Variants in SCP2 observed in about 807,000 individuals in gnomAD.
The protein encoded by SCP2 is sterol carrier protein 2.
SCP2 carries 48 observed loss-of-function variants against 71.4 expected under a neutral mutation model. The observed-to-expected ratio is 0.67, with a 90% confidence interval of 0.53 to 0.86. The LOEUF (loss-of-function observed/expected upper bound fraction) is 0.86, where lower values mean the gene tolerates loss of function less well. Ranked by LOEUF, SCP2 falls within the 40% of genes least tolerant of loss-of-function variation. The pLI is 0.00. For synonymous variants in SCP2, 220 were observed against 218.1 expected (o/e 1.01, Z -0.08); for missense variants, 560 against 655.6 (o/e 0.85, Z 1.59).
intron 6 of SCP2, among the ~76,000 whole-genome samples, chr1:52,969,463 C>T (rs985129043): frequency 1.3e-5 from 2 of 151,680 alleles, no homozygotes; most frequent in East Asian, 1.9e-4. Context: ...AAGCCAAGGT[C>T]GCACCTCTGC....
intron 13 of SCP2, among the ~76,000 whole-genome samples, chr1:53,028,568 A>AGTTT (rs58309108): frequency 0.14 from 20,810 of 152,046 alleles, 2,022 homozygotes; most frequent in East Asian, 0.32. Context: ...TAATTTAAAA[A>AGTTT]ATACTATACA....
At chr1:52,952,771 A>G (rs1438795728) in intron 4 of SCP2, among the ~76,000 whole-genome samples, 1 of 152,070 alleles carries the variant, frequency 6.6e-6, no homozygotes, top group Non-Finnish European at 1.5e-5. Context: ...TGTCTTTTAA[A>G]ACTTGGGGTA....
chr1:52,969,693 T>C (rs1657285137), intron 6 of SCP2, among the ~76,000 whole-genome samples: 1 of 151,882 alleles, frequency 6.6e-6, no homozygotes, highest in African/African-American at 2.4e-5. Flanking sequence ...TGGTCGCGTG[T>C]GCCTGTAATC....
At chr1:52,988,236 T>C in intron 11 of SCP2, 100 bp downstream of exon 11, 1 of 719,104 alleles carries the variant, frequency 1.4e-6, no homozygotes, top group South Asian at 1.5e-5. Context: ...TTCTCTGAAC[T>C]TGGTAGCTGG....
intron 2 of SCP2, among the ~76,000 whole-genome samples, chr1:52,945,761 G>A (rs1156340338): frequency 2.1e-5 from 3 of 142,654 alleles, no homozygotes; most frequent in African/African-American, 6.0e-5. Flanking sequence ...ATATATATAT[G>A]CCATTATTTT....
Position 52,980,433 on chromosome 1 carries a change from G to C in SCP2, c.863G>C (p.Cys288Ser). The C allele has an allele frequency of 6.2e-7, 1 of 1,614,132 alleles. No individual in the cohort carries two copies. Among genetic ancestry groups the C allele is most frequent in the Non-Finnish European group, 8.5e-7 (1 of 1,179,984 alleles). The change falls in exon 10 of 16, where the codon TGC (cysteine) becomes TCC (serine). Residue 288 changes from cysteine to serine, a missense_variant. Cys to Ser is a moderately radical substitution (Grantham distance 112, BLOSUM62 -1). Coordinates refer to ENST00000371514, the MANE Select transcript of SCP2 (RefSeq NM_002979.5). ...FDMSKEAARK[C>S]YEKSGLTPND... ...ATGAGTAAAGAAGCTGCAAGAAAAT[G>C]CTATGAGAAATCTGGCCTGACACCA...
intron 12 of SCP2, among the ~76,000 whole-genome samples, chr1:53,026,741 G>T (rs76237967): frequency 6.6e-6 from 1 of 152,092 alleles, no homozygotes; most frequent in Non-Finnish European, 1.5e-5. Flanking sequence ...CCAGGAGTTC[G>T]AGGTTACAGT....
chr1:52,943,603 G>A lies in SCP2; in HGVS notation c.127+1750G>A. On this transcript the variant is annotated intron_variant, in intron 2 of 15. Transcript: ENST00000371514. ...TTGTTACTCATTTGGCATGGATAGTGCACAGGTTGGTGTCTTCAAAAAGGC... is the reference window on the plus strand; with the variant it reads ...TTGTTACTCATTTGGCATGGATAGTACACAGGTTGGTGTCTTCAAAAAGGC... The A allele has an allele frequency of 9.7e-6, 4 of 412,810 alleles. No individual in the cohort carries two copies. In the Admixed American group the frequency reaches 1.1e-4, roughly 11 times the overall value. The allele number at this position is 412,810 out of a possible 1,614,324, so 25.6% of individuals were successfully genotyped here.
chr1:52,997,106 A>G (rs1659988028), intron 11 of SCP2, among the ~76,000 whole-genome samples: 1 of 152,256 alleles, frequency 6.6e-6, no homozygotes, highest in Admixed American at 6.5e-5. Context: ...ATAATAGTCA[A>G]AAGCTGGAAA....
chr1:53,047,084 G>A (rs1663868676), intron 14 of SCP2, among the ~76,000 whole-genome samples: 1 of 152,218 alleles, frequency 6.6e-6, no homozygotes, highest in South Asian at 2.1e-4. Flanking sequence ...GTTGCTGGCA[G>A]AATTCATTTC....
intron 14 of SCP2, among the ~76,000 whole-genome samples, chr1:53,042,924 C>T (rs1241360210): frequency 6.6e-6 from 1 of 152,104 alleles, no homozygotes; most frequent in African/African-American, 2.4e-5. Flanking sequence ...ATGAGTTCTG[C>T]CTTTCCCTCA....
At chr1:52,933,631 G>C (rs1443098871) in intron 1 of SCP2, among the ~76,000 whole-genome samples, 1 of 152,156 alleles carries the variant, frequency 6.6e-6, no homozygotes, top group Non-Finnish European at 1.5e-5. Flanking sequence ...AGTAGATGAG[G>C]AGTAGTGTCT....
At chr1:53,044,160 C>T (rs765927165) in intron 14 of SCP2, among the ~76,000 whole-genome samples, 5 of 152,006 alleles carry the variant, frequency 3.3e-5, no homozygotes, top group African/African-American at 9.7e-5. Flanking sequence ...TGGGTTCAAG[C>T]GATTCTCCTG....
At chr1:52,984,264 TGAGA>T (rs138000854) in intron 10 of SCP2, among the ~76,000 whole-genome samples, 6 of 152,042 alleles carry the variant, frequency 3.9e-5, no homozygotes, top group Admixed American at 3.3e-4. Flanking sequence ...GCAAAGCTGT[TGAGA>T]GAGAGAGAGC....
chr1:52,960,568 A>G (rs200003397), intron 5 of SCP2, among the ~76,000 whole-genome samples: 15 of 145,926 alleles, frequency 1.0e-4, no homozygotes, highest in African/African-American at 3.3e-4. Context: ...ATATGTATGT[A>G]TATATATGTA....
chr1:52,933,636 G>A (rs534565778), intron 1 of SCP2, among the ~76,000 whole-genome samples: 11 of 152,208 alleles, frequency 7.2e-5, no homozygotes, highest in Non-Finnish European at 1.5e-4. Flanking sequence ...ATGAGGAGTA[G>A]TGTCTTCTAT....
intron 11 of SCP2, among the ~76,000 whole-genome samples, chr1:52,991,717 C>T (rs763565109): frequency 6.6e-5 from 10 of 152,010 alleles, no homozygotes; most frequent in Non-Finnish European, 1.3e-4. Context: ...TTGTTTTTAT[C>T]ACAGTATGAA....
chr1:53,001,378 A>T (rs1660305590), intron 11 of SCP2, among the ~76,000 whole-genome samples: 1 of 152,106 alleles, frequency 6.6e-6, no homozygotes, highest in Non-Finnish European at 1.5e-5. Flanking sequence ...GGGGAAGGAG[A>T]TGCACAAAGA....
intron 10 of SCP2, among the ~76,000 whole-genome samples, chr1:52,984,107 C>T (rs748944125): frequency 7.9e-5 from 12 of 152,160 alleles, no homozygotes; most frequent in African/African-American, 1.9e-4. Context: ...TGGCTCTCTC[C>T]ACTATAGACT....
Sources: gnomAD v4.1 joint callset for allele counts (sites outside exome capture counted in the v4.1 genomes callset) on GRCh38, gnomAD v4.1.1 for gene constraint, MANE v1.5 for transcripts, NCBI Gene and HGNC (gene_info 2026-07-23, HGNC 2026-07-21) for gene names.